SPOCK3: variants seen among roughly 807,000 people sequenced by gnomAD.
The protein encoded by SPOCK3 is testican-3.
Under a neutral mutation model 56.6 loss-of-function variants are expected in SPOCK3, and 30 were observed. That is an observed-to-expected ratio of 0.53 (90% CI 0.40 to 0.72). The LOEUF (loss-of-function observed/expected upper bound fraction) is 0.72. SPOCK3 is among the 30% of genes least tolerant of loss of function. The pLI is 0.00. For synonymous variants in SPOCK3, 196 were observed against 183.3 expected (o/e 1.07, Z -0.56); for missense variants, 527 against 530.0 (o/e 0.99, Z 0.06).
chr4:167,094,009 C>T (rs1406897641), intron 2 of SPOCK3, among the ~76,000 whole-genome samples: 1 of 152,094 alleles, frequency 6.6e-6, no homozygotes, highest in African/African-American at 2.4e-5. Context: ...TAGAATAAAT[C>T]CATAGTTTTC....
intron 6 of SPOCK3, among the ~76,000 whole-genome samples, chr4:166,796,330 G>A (rs1227783545): frequency 3.9e-5 from 6 of 152,048 alleles, no homozygotes; most frequent in Non-Finnish European, 8.8e-5. Flanking sequence ...ATACAATAAG[G>A]AAGCTCAGAT....
At chr4:167,138,435 A>G (rs1763284923) in intron 2 of SPOCK3, among the ~76,000 whole-genome samples, 2 of 151,898 alleles carry the variant, frequency 1.3e-5, no homozygotes, top group African/African-American at 4.8e-5. Context: ...AGACATATAC[A>G]GAGACTTTTA....
intron 7 of SPOCK3, among the ~76,000 whole-genome samples, chr4:166,769,330 G>T (rs1292895026): frequency 6.6e-6 from 1 of 150,760 alleles, no homozygotes; most frequent in Non-Finnish European, 1.5e-5. Flanking sequence ...ATCTACCTTT[G>T]GTCTTTGATG....
intron 7 of SPOCK3, among the ~76,000 whole-genome samples, chr4:166,780,911 G>A (rs1740091829): frequency 6.6e-6 from 1 of 152,104 alleles, no homozygotes; most frequent in Non-Finnish European, 1.5e-5. Context: ...AACAAGTGGA[G>A]AAAAAGGCTG....
intron 7 of SPOCK3, among the ~76,000 whole-genome samples, chr4:166,781,959 T>A (rs1042296317): frequency 6.6e-6 from 1 of 152,126 alleles, no homozygotes; most frequent in African/African-American, 2.4e-5. Context: ...AAATGAATAT[T>A]TTTTAAGTTT....
chr4:166,847,777 A>G (rs1748260825), intron 6 of SPOCK3, among the ~76,000 whole-genome samples: 1 of 150,364 alleles, frequency 6.7e-6, no homozygotes, highest in South Asian at 2.1e-4. Context: ...GTCAGCTTTA[A>G]AAAGACTGAT....
At chr4:167,232,840 G>A (rs935858658) in intron 2 of SPOCK3, among the ~76,000 whole-genome samples, 1 of 152,150 alleles carries the variant, frequency 6.6e-6, no homozygotes, top group African/African-American at 2.4e-5. Flanking sequence ...GCTACTTCAT[G>A]GAGAGGCTGA....
chr4:166,912,242 A>G (rs1737359691), intron 5 of SPOCK3, among the ~76,000 whole-genome samples: 1 of 152,134 alleles, frequency 6.6e-6, no homozygotes, highest in African/African-American at 2.4e-5. Context: ...TAAATGAGAT[A>G]ATATAGGAGA....
At chr4:166,752,480 C>T (rs1371769555) in intron 8 of SPOCK3, among the ~76,000 whole-genome samples, 1 of 151,660 alleles carries the variant, frequency 6.6e-6, no homozygotes, top group Non-Finnish European at 1.5e-5. Flanking sequence ...ATTAAATAAC[C>T]TCTCATTCCA....
intron 7 of SPOCK3, among the ~76,000 whole-genome samples, chr4:166,778,579 G>A (rs1739826895): frequency 6.6e-6 from 1 of 152,082 alleles, no homozygotes; most frequent in African/African-American, 2.4e-5. Flanking sequence ...CACACTACTA[G>A]GCCTTGATTA....
chr4:167,004,320 T>A (rs1749250754), intron 3 of SPOCK3, among the ~76,000 whole-genome samples: 1 of 152,022 alleles, frequency 6.6e-6, no homozygotes, highest in Non-Finnish European at 1.5e-5. Context: ...CCAGTATAAG[T>A]AGATGGAATA....
chr4:167,090,321 G>T (rs1758596749), intron 2 of SPOCK3, among the ~76,000 whole-genome samples: 1 of 151,494 alleles, frequency 6.6e-6, no homozygotes, highest in South Asian at 2.1e-4. Flanking sequence ...CCATTTTTTG[G>T]GTCATTCTAA....
rs556688957 is a variant in SPOCK3 at position 166,831,839 on chromosome 4, C to T, written c.590-39550G>A. On this transcript the variant is annotated intron_variant, in intron 6 of 10. Transcript: ENST00000357545. ...CTCTGCTTGCTTTATATTTAATTTC[C>T]TCTTCTTTCTCTCAGTTCTTAAGGG... Among the ~76,000 whole-genome samples, 16 of 146,658 alleles carry T rather than the reference C, an allele frequency of 1.1e-4. No homozygotes were observed. The East Asian group carries it at 2.8e-3, about 26-fold the overall frequency.
intron 7 of SPOCK3, 83 bp from the exon 8 acceptor site, chr4:166,754,812 G>A: frequency 8.1e-7 from 1 of 1,235,168 alleles, no homozygotes; most frequent in Non-Finnish European, 1.2e-6. Flanking sequence ...ATAGCAGGTA[G>A]CTAGTGTAGG....
At chr4:166,875,286 C>T (rs1732958585) in intron 6 of SPOCK3, among the ~76,000 whole-genome samples, 1 of 151,912 alleles carries the variant, frequency 6.6e-6, no homozygotes, top group Admixed American at 6.6e-5. Flanking sequence ...GTTTATATAG[C>T]CTCAGATTTT....
intron 8 of SPOCK3, chr4:166,754,270 A>G: frequency 8.1e-7 from 1 of 1,232,994 alleles, no homozygotes; most frequent in Non-Finnish European, 1.0e-6. Flanking sequence ...GGAAACTATA[A>G]TGTAGTGGCA....
rs542830235 is a variant in SPOCK3 at position 166,783,116 on chromosome 4, T to C, written c.709+9054A>G. On this transcript the variant is annotated intron_variant, in intron 7 of 10. Transcript: ENST00000357545. ...GCTCACTCCTGTAGTCCCAGAACTT[T>C]GGGAGGCCGAGGTGAGTGCATCACT... Among the ~76,000 whole-genome samples the C allele has an allele frequency of 4.6e-5, 7 of 152,300 alleles. No individual in the cohort carries two copies. The East Asian group carries it at 5.8e-4, about 13-fold the overall frequency.
intron 2 of SPOCK3, among the ~76,000 whole-genome samples, chr4:167,145,934 T>C (rs1292252209): frequency 6.6e-6 from 1 of 152,118 alleles, no homozygotes; most frequent in Non-Finnish European, 1.5e-5. Context: ...AGCATCACAA[T>C]GGCAGGATCA....
At chr4:166,998,392 T>G (rs540246332) in intron 4 of SPOCK3, among the ~76,000 whole-genome samples, 33 of 152,298 alleles carry the variant, frequency 2.2e-4, no homozygotes, top group African/African-American at 7.0e-4. Context: ...GCTATCAGTT[T>G]CTGATAGTCT....
Sources: allele counts gnomAD v4.1 joint callset (sites outside exome capture counted in the v4.1 genomes callset), GRCh38; gene constraint gnomAD v4.1.1; transcripts MANE v1.5; gene names NCBI Gene and HGNC (gene_info 2026-07-23, HGNC 2026-07-21).